MGAM: variants seen among roughly 807,000 people sequenced by gnomAD.
MGAM encodes alpha-1,4-glucosidase.
A neutral mutation model predicts 358.8 loss-of-function variants in MGAM; 253 were observed. The observed-to-expected ratio is 0.71, with a 90% CI of 0.64 to 0.78. The LOEUF is 0.78. MGAM is among the 30% of genes least tolerant of loss of function. The pLI, the probability that MGAM is intolerant of heterozygous loss-of-function variation, is 0.00. For missense variants in MGAM, 3,080 were observed against 3,432.6 expected, an observed-to-expected ratio of 0.90 and a Z score of 2.57; for synonymous variants, 1,105 against 1,227.1, an observed-to-expected ratio of 0.90 and a Z score of 2.08.
intron 1 of MGAM, among the ~76,000 whole-genome samples, chr7:141,998,292 G>T (rs1804435509): frequency 6.6e-6 from 1 of 152,102 alleles, no homozygotes; most frequent in Non-Finnish European, 1.5e-5. Flanking sequence ...AGAATGTGCA[G>T]GTTCGTTACA....
chr7:142,064,604 C>A, intron 37 of MGAM, 82 bp downstream of exon 37: 2 of 1,487,880 alleles, frequency 1.3e-6, no homozygotes, highest in Admixed American at 4.3e-5. Flanking sequence ...GTTTTCCTTT[C>A]ATTCCATTTC....
intron 2 of MGAM, 120 bp downstream of exon 2, chr7:142,005,777 A>C (rs1466821831): frequency 1.0e-6 from 1 of 971,216 alleles, no homozygotes; most frequent in African/African-American, 1.7e-5. Context: ...GGGGGCTGTT[A>C]TATGTGTGTG....
rs181555654 is a variant in MGAM, at chr7:142,067,477, G to T, written c.5004+52G>T. ...GAGGATCCCAGCTGTGAGGCTTGGG[G>T]AAAAGGACGAGGAGAAGAGGCCTGA... On this transcript the variant is annotated intron_variant, in intron 42 of 70. Coordinates refer to ENST00000475668, the MANE Select transcript of MGAM (RefSeq NM_001365693.1). The T allele has an allele frequency of 1.7e-5, 24 of 1,413,406 alleles. 6 individuals carry two copies. In the Admixed American group the frequency reaches 2.1e-4, roughly 12 times the overall value. 87.6% of individuals were successfully genotyped at this position (1,413,406 alleles called of 1,614,324 possible).
intron 14 of MGAM, among the ~76,000 whole-genome samples, chr7:142,033,476 G>T (rs1157654799): frequency 6.6e-6 from 1 of 152,084 alleles, no homozygotes; most frequent in African/African-American, 2.4e-5. Context: ...AGAGGTTCAA[G>T]GACAGATTAT....
At chr7:142,040,571 A>AT (rs59648107) in intron 20 of MGAM, 151 bp from the exon 21 acceptor site, 19,460 of 1,044,262 alleles carry the variant, frequency 0.019, 974 homozygotes, top group East Asian at 0.18. Context: ...GTTATTCTTG[A>AT]TTTTTTTCCT....
chr7:142,055,824 A>C, intron 28 of MGAM, 98 bp downstream of exon 28: 1 of 1,567,720 alleles, frequency 6.4e-7, no homozygotes, highest in Non-Finnish European at 8.6e-7. Flanking sequence ...TGGTCATCAC[A>C]TTCTGCTTTT....
chr7:142,085,181 G>A (rs1303908104), intron 54 of MGAM, among the ~76,000 whole-genome samples: 3 of 146,490 alleles, frequency 2.0e-5, no homozygotes, highest in Non-Finnish European at 4.6e-5. Flanking sequence ...TCCTTCACTG[G>A]AGGATGGGAG....
intron 21 of MGAM, among the ~76,000 whole-genome samples, chr7:142,043,672 A>G (rs1422497515): frequency 2.2e-5 from 3 of 136,066 alleles, no homozygotes; most frequent in African/African-American, 8.1e-5. Flanking sequence ...TATATTATAT[A>G]TACATATACT....
intron 70 of MGAM, 133 bp downstream of exon 70, chr7:142,103,572 T>C: frequency 1.2e-6 from 1 of 842,304 alleles, no homozygotes; most frequent in Non-Finnish European, 1.7e-6. Flanking sequence ...TTCCATGTGT[T>C]AGGAATGGAC....
chr7:142,088,428 T>C (rs1044601140), intron 57 of MGAM, among the ~76,000 whole-genome samples: 2 of 137,296 alleles, frequency 1.5e-5, no homozygotes, highest in African/African-American at 2.5e-5. Context: ...TGTATATCCA[T>C]GTACCCATCT....
At chr7:142,034,517 A>C (rs781825981) in intron 15 of MGAM, 138 bp downstream of exon 15, 8 of 965,412 alleles carry the variant, frequency 8.3e-6, no homozygotes, top group Admixed American at 2.6e-5. Context: ...TTAATGATAC[A>C]GAATGCTCCC....
intron 1 of MGAM, among the ~76,000 whole-genome samples, chr7:142,000,765 AT>A (rs1804670606): frequency 1.3e-5 from 2 of 152,238 alleles, no homozygotes; most frequent in South Asian, 4.1e-4. Flanking sequence ...TAAGGGATGA[AT>A]TTCTATAAAT....
intron 43 of MGAM, 89 bp downstream of exon 43, chr7:142,068,792 C>A: frequency 2.8e-6 from 3 of 1,089,124 alleles, no homozygotes; most frequent in Non-Finnish European, 4.1e-6. Flanking sequence ...CAAATGCTGG[C>A]TCTGTAACCC....
At chr7:142,043,819 C>T (rs780525969) in intron 21 of MGAM, among the ~76,000 whole-genome samples, 14 of 78,928 alleles carry the variant, frequency 1.8e-4, no homozygotes, top group South Asian at 8.3e-4. Context: ...ACACATACGA[C>T]GTATAATATA....
At chr7:142,022,135 T>A in intron 6 of MGAM, 133 bp from the exon 7 acceptor site, 1 of 830,506 alleles carries the variant, frequency 1.2e-6, no homozygotes, top group Middle Eastern at 3.7e-4. Flanking sequence ...TAGAAAAATG[T>A]CACAGGAGGG....
In MGAM at chr7:142,062,719, C is replaced by G. The variant is rs1812339322; in HGVS notation, c.4257+17C>G. ...ATGTGGATTGTAAGTGTGTGTGTGT[C>G]TCTGTGTACCAGTGGCTCTTGTCTA... On this transcript the variant is annotated intron_variant, in intron 35 of 70. Transcript: ENST00000475668. The G allele has an allele frequency of 6.2e-7, 1 of 1,611,096 alleles. No homozygotes were observed. Among genetic ancestry groups the G allele is most frequent in the Non-Finnish European group, 8.5e-7 (1 of 1,178,632 alleles).
rs1281947666 is a variant in MGAM, at chr7:142,071,215, T to C, written c.5186+97T>C. The C allele has an allele frequency of 1.0e-5, 14 of 1,334,774 alleles. 3 individuals are homozygous for C. The highest frequency in any genetic ancestry group is 2.8e-5 in the African/African-American group (2 of 71,110). The allele number at this position is 1,334,774 out of a possible 1,614,324, so 82.7% of individuals were successfully genotyped here. A position where few individuals can be genotyped will look rare whatever the true frequency, so the allele number is the denominator to read the frequency against. Reference sequence around the variant, plus strand: ...TGTAAGCATCACTTTCAAACCCACATGCAATTCTACTCAACACTTGTTTTT... The same window carrying C: ...TGTAAGCATCACTTTCAAACCCACACGCAATTCTACTCAACACTTGTTTTT... On this transcript the variant is annotated intron_variant, in intron 44 of 70. Coordinates refer to ENST00000475668, the MANE Select transcript of MGAM (RefSeq NM_001365693.1).
chr7:142,003,863 T>A (rs1381671408), intron 1 of MGAM, among the ~76,000 whole-genome samples: 1 of 151,428 alleles, frequency 6.6e-6, no homozygotes, highest in Non-Finnish European at 1.5e-5. Context: ...CATAACCCCA[T>A]TAAAAAGTGG....
Position 142,065,578 on chromosome 7 carries a change from C to T in MGAM, c.4619-10C>T. The T allele has an allele frequency of 6.2e-7, 1 of 1,613,966 alleles. No individual in the cohort carries two copies. The highest frequency in any genetic ancestry group is 8.5e-7 in the Non-Finnish European group (1 of 1,179,878). ...AGCCTGGTGTGACACAGCTGTGCTT[C>T]TCGTTGCAGGCATGATGGAGTTCAG... On this transcript the variant is annotated splice_polypyrimidine_tract_variant and intron_variant, in intron 38 of 70. Coordinates refer to ENST00000475668, the MANE Select transcript of MGAM (RefSeq NM_001365693.1).
Sources: gnomAD v4.1 joint callset for allele counts (sites outside exome capture counted in the v4.1 genomes callset) on GRCh38, gnomAD v4.1.1 for gene constraint, MANE v1.5 for transcripts, NCBI Gene and HGNC (gene_info 2026-07-23, HGNC 2026-07-21) for gene names.